Variants in RASA3 observed in about 807,000 individuals in gnomAD.
RASA3 encodes ras GTPase-activating protein 3.
Under a neutral mutation model 110.0 loss-of-function variants are expected in RASA3, and 73 were observed. The ratio of observed to expected loss-of-function variants is 0.66; its 90% CI spans 0.55 to 0.81. RASA3 has a LOEUF of 0.81. Among genes scored for constraint, RASA3 ranks in the 30% least tolerant of loss-of-function variants. The pLI is 0.00. For synonymous variants in RASA3, 500 were observed against 451.4 expected (o/e 1.11, Z -1.37); for missense variants, 976 against 1,113.2 (o/e 0.88, Z 1.75).
At position 114,016,986 on chromosome 13, in the gene RASA3, G is replaced by C. The variant is rs77478896; in HGVS notation, c.1206+251C>G. Among the ~76,000 whole-genome samples, 375 of 152,322 alleles carry C rather than the reference G, an allele frequency of 2.5e-3. 1 individual carries two copies. Among genetic ancestry groups the C allele is most frequent in the Non-Finnish European group, 4.2e-3 (289 of 68,030 alleles). On this transcript the variant is annotated intron_variant, in intron 12 of 23. Coordinates refer to ENST00000334062, the MANE Select transcript of RASA3 (RefSeq NM_007368.4). ...CCCTGGGAAGAGCCAGGCTTTTCTT[G>C]CATGTTCTCCTTTGTGGAGTGGTGG...
chr13:114,043,139 AG>A (rs2054450564), intron 3 of RASA3, among the ~76,000 whole-genome samples: 1 of 94,392 alleles, frequency 1.1e-5, no homozygotes, highest in Non-Finnish European at 2.4e-5. Flanking sequence ...GCAAACTCAG[AG>A]GGTCTGAGAC....
In RASA3 at chr13:114,112,707, A is replaced by G. The variant is rs1464231749; in HGVS notation, c.55+19728T>C. On this transcript the variant is annotated intron_variant, in intron 1 of 23. Transcript: ENST00000334062. The surrounding 1 kb of genome is among the most constrained non-coding windows in gnomAD (Gnocchi z 4.8). ...CCCACACACTCAGGCCTGTGTGGCCAGCGTGGTCCTCCTTTCCCACAGCCA... is the reference window on the plus strand; with the variant it reads ...CCCACACACTCAGGCCTGTGTGGCCGGCGTGGTCCTCCTTTCCCACAGCCA... Among the ~76,000 whole-genome samples the G allele has an allele frequency of 6.6e-6, 1 of 151,996 alleles. No individual in the cohort carries two copies. Among genetic ancestry groups the G allele is most frequent in the Non-Finnish European group, 1.5e-5 (1 of 67,990 alleles).
chr13:114,017,237 C>T lies in RASA3; in HGVS notation c.1206G>A (p.Glu402=). The stretch of plus-strand genomic sequence containing the variant: ...TGAGGACTCTCGGCCCCGTGCTCAC[C>T]TCCTCGATGGCGGGCTTCAGGGTGA... ...LHVTLKPAIE[E]ICQSHKPCEI... Residue 402 remains glutamate (E), a splice_region_variant and synonymous_variant, in exon 12 of 24, where the codon GAG becomes GAA. Coordinates refer to ENST00000334062, the MANE Select transcript of RASA3 (RefSeq NM_007368.4). 6.2e-7 allele frequency: 1 copy of T among 1,612,806 alleles called. No homozygotes were observed. The highest frequency in any genetic ancestry group is 1.3e-5 in the African/African-American group (1 of 75,024).
At chr13:114,030,509 C>T (rs1157143064) in intron 4 of RASA3, among the ~76,000 whole-genome samples, 2 of 113,942 alleles carry the variant, frequency 1.8e-5, no homozygotes, top group East Asian at 4.6e-4. Flanking sequence ...GAGGGCAAGA[C>T]TCACACAGAG....
At chr13:114,043,139 A>C (rs377645472) in intron 3 of RASA3, among the ~76,000 whole-genome samples, 1 of 94,392 alleles carries the variant, frequency 1.1e-5, no homozygotes, top group Non-Finnish European at 2.4e-5. Context: ...GCAAACTCAG[A>C]GGGTCTGAGA....
chr13:114,100,577 A>G (rs1177784829), intron 1 of RASA3, among the ~76,000 whole-genome samples: 1 of 152,226 alleles, frequency 6.6e-6, no homozygotes, highest in Admixed American at 6.5e-5. Context: ...CCTCCAAGAC[A>G]AGTGCAGCAG....
chr13:114,021,401 T>C lies in RASA3; in HGVS notation c.785+3A>G. On this transcript the variant is annotated splice_donor_region_variant and intron_variant, in intron 9 of 23. Transcript: ENST00000334062. The stretch of plus-strand genomic sequence containing the variant: ...GAAGTCTGCAGGTGCAACATCATCT[T>C]ACCACGCCTCGTAGGAGCTGGACTG... 1 of 1,613,440 alleles carries C rather than the reference T, an allele frequency of 6.2e-7. No individual in the cohort carries two copies. Among genetic ancestry groups the C allele is most frequent in the South Asian group, 1.1e-5 (1 of 91,072 alleles).
chr13:114,113,200 C>G (rs976502667), intron 1 of RASA3, among the ~76,000 whole-genome samples: 13 of 152,194 alleles, frequency 8.5e-5, no homozygotes, highest in Admixed American at 7.2e-4. Flanking sequence ...AGTTTGTCTG[C>G]TCAGCCACAC....
At chr13:114,030,502 GGCAAGACTCACACAGAGA>G (rs1329906455) in intron 4 of RASA3, among the ~76,000 whole-genome samples, 45 of 99,080 alleles carry the variant, frequency 4.5e-4, no homozygotes, top group African/African-American at 1.6e-3. Flanking sequence ...TCACACAGAG[GGCAAGACTCACACAGAGA>G]GCAAGACTCA....
Position 114,017,393 on chromosome 13 carries a change from G to GCGGAAGTGCAGACGGAGCAGAGCC in RASA3, c.1092-66_1092-43dup, listed in dbSNP as rs1566484810. 54 of 1,527,802 alleles carry GCGGAAGTGCAGACGGAGCAGAGCC rather than the reference G, an allele frequency of 3.5e-5. No homozygotes were observed. In the South Asian group the frequency reaches 5.9e-4, roughly 17 times the overall value. 94.6% of individuals were successfully genotyped at this position (1,527,802 alleles called of 1,614,324 possible). On this transcript the variant is annotated intron_variant, in intron 11 of 23. Transcript: ENST00000334062. ...GGGACAGCGTTTGTCTCCTGGGGACGCGGAAGTGCAGACGGAGCAGAGCCT... is the reference window on the plus strand; with the variant it reads ...GGGACAGCGTTTGTCTCCTGGGGACGCGGAAGTGCAGACGGAGCAGAGCCCGGAAGTGCAGACGGAGCAGAGCCT...
At chr13:114,040,563 G>A (rs113462243) in intron 4 of RASA3, among the ~76,000 whole-genome samples, 64 of 125,726 alleles carry the variant, frequency 5.1e-4, no homozygotes, top group African/African-American at 1.6e-3. Context: ...ACAAGCGGGC[G>A]AACACGCACA....
At chr13:114,117,279 T>A (rs1434178900) in intron 1 of RASA3, among the ~76,000 whole-genome samples, 1 of 80,272 alleles carries the variant, frequency 1.2e-5, no homozygotes, top group Non-Finnish European at 2.7e-5. Flanking sequence ...GTGTGAGGGG[T>A]GCATGTGTGT....
chr13:114,059,495 A>C (rs1406427693), intron 2 of RASA3, among the ~76,000 whole-genome samples: 2 of 152,272 alleles, frequency 1.3e-5, no homozygotes, highest in Non-Finnish European at 2.9e-5. Context: ...CACGACTTTG[A>C]AGATGGGGAC....
intron 8 of RASA3, among the ~76,000 whole-genome samples, chr13:114,022,476 C>T (rs1444974407): frequency 1.3e-5 from 2 of 152,194 alleles, no homozygotes; most frequent in African/African-American, 4.8e-5. Context: ...GGCTAAAACT[C>T]GGCAGGCCTA....
chr13:113,998,235 G>A (rs1011174316), intron 20 of RASA3, among the ~76,000 whole-genome samples: 5 of 152,148 alleles, frequency 3.3e-5, no homozygotes, highest in Non-Finnish European at 7.3e-5. Context: ...CAGGCATTGA[G>A]CCCACACCCT....
At chr13:114,064,764 C>G (rs537108546) in intron 2 of RASA3, among the ~76,000 whole-genome samples, 1 of 152,210 alleles carries the variant, frequency 6.6e-6, no homozygotes, top group Non-Finnish European at 1.5e-5. Flanking sequence ...TTGGACAGGC[C>G]GGCTTTGTCT....
At chr13:114,024,235 G>A in intron 8 of RASA3, 44 bp downstream of exon 8, 2 of 1,554,832 alleles carry the variant, frequency 1.3e-6, no homozygotes, top group Non-Finnish European at 1.8e-6. Flanking sequence ...GAGGAGTTTG[G>A]GTGAAAACTG....
chr13:114,018,347 T>G, intron 10 of RASA3, 95 bp from the exon 11 acceptor site: 2 of 1,388,068 alleles, frequency 1.4e-6, no homozygotes, highest in Non-Finnish European at 1.9e-6. Flanking sequence ...CCAGCCACAA[T>G]AGATACGGCT....
In RASA3 at chr13:114,027,561, G is replaced by A. The variant is rs1017195260; in HGVS notation, c.531-100C>T. ...TCTCAAATGCACAAGTCACTTATTG[G>A]CTTTATTTATTTTATAAATATTTCT... On this transcript the variant is annotated intron_variant, in intron 6 of 23. Coordinates refer to ENST00000334062, the MANE Select transcript of RASA3 (RefSeq NM_007368.4). The A allele has an allele frequency of 3.0e-5, 27 of 898,966 alleles. No homozygotes were observed. The African/African-American group carries it at 4.3e-4, about 14-fold the overall frequency. The allele number at this position is 898,966 out of a possible 1,614,324, so 55.7% of individuals were successfully genotyped here.
Sources: gnomAD v4.1 joint callset for allele counts (sites outside exome capture counted in the v4.1 genomes callset) on GRCh38, gnomAD v4.1.1 for gene constraint, Gnocchi (gnomAD v3.1) non-coding constraint, MANE v1.5 for transcripts, NCBI Gene and HGNC (gene_info 2026-07-23, HGNC 2026-07-21) for gene names.